Variants in FILIP1 observed in about 807,000 individuals in gnomAD.
The protein encoded by FILIP1 is filamin-A-interacting protein 1.
FILIP1 carries 61 observed loss-of-function variants against 102.1 expected under a neutral mutation model. That is an observed-to-expected ratio of 0.60 (90% CI 0.49 to 0.74). The LOEUF (loss-of-function observed/expected upper bound fraction) is 0.74. Among genes scored for constraint, FILIP1 ranks in the 30% least tolerant of loss-of-function variants. FILIP1 has a pLI of 0.00. For synonymous variants in FILIP1, 491 were observed against 526.9 expected (o/e 0.93, Z 0.93); for missense variants, 1,314 against 1,441.2 (o/e 0.91, Z 1.43).
rs148284986 is a variant in FILIP1, at chr6:75,348,062, T to TACACACACACACACACAC, written c.629+5459_629+5476dup. ...AGACAGCACTCCTCCACATCAGTTA[T>TACACACACACACACACAC]ACACACACACACACACACACACACA... is the stretch of plus-strand genomic sequence containing the variant. On this transcript the variant is annotated intron_variant, in intron 4 of 5. Coordinates refer to ENST00000237172, the MANE Select transcript of FILIP1 (RefSeq NM_015687.5). Among the ~76,000 whole-genome samples, 326 of 147,358 alleles carry TACACACACACACACACAC rather than the reference T, an allele frequency of 2.2e-3. 4 individuals carry two copies. Among genetic ancestry groups the TACACACACACACACACAC allele is most frequent in the African/African-American group, 6.3e-3 (250 of 39,874 alleles).
At chr6:75,387,607 A>AT (rs1166327491) in intron 2 of FILIP1, among the ~76,000 whole-genome samples, 1 of 152,148 alleles carries the variant, frequency 6.6e-6, no homozygotes, top group African/African-American at 2.4e-5. Context: ...ATGGTATCTC[A>AT]TTGTGGTTTT....
chr6:75,374,784 C>A (rs1347230012), intron 2 of FILIP1, among the ~76,000 whole-genome samples: 1 of 152,132 alleles, frequency 6.6e-6, no homozygotes, highest in African/African-American at 2.4e-5. Context: ...AAATGTAATC[C>A]CCTCAACAGA....
chr6:75,431,041 C>T (rs1777805949), intron 1 of FILIP1, among the ~76,000 whole-genome samples: 1 of 152,168 alleles, frequency 6.6e-6, no homozygotes. Flanking sequence ...TATAATAAGA[C>T]TACACTCTGA....
intron 4 of FILIP1, among the ~76,000 whole-genome samples, chr6:75,325,769 G>T (rs1773827814): frequency 6.6e-6 from 1 of 152,114 alleles, no homozygotes; most frequent in Admixed American, 6.5e-5. Flanking sequence ...TGGTGAAAAG[G>T]GATCACATCA....
chr6:75,316,838 T>A (rs538525688), intron 4 of FILIP1, among the ~76,000 whole-genome samples: 9 of 152,210 alleles, frequency 5.9e-5, no homozygotes, highest in African/African-American at 2.2e-4. Context: ...TTATTGACCA[T>A]GTTCTCTTTT....
intron 2 of FILIP1, among the ~76,000 whole-genome samples, chr6:75,372,477 T>C (rs1186276658): frequency 6.6e-6 from 1 of 150,458 alleles, no homozygotes; most frequent in African/African-American, 2.4e-5. Context: ...TAGACATTTC[T>C]TCAAAGAAGA....
intron 1 of FILIP1, among the ~76,000 whole-genome samples, chr6:75,486,482 A>G (rs999645432): frequency 2.0e-5 from 3 of 152,086 alleles, no homozygotes; most frequent in Non-Finnish European, 4.4e-5. Flanking sequence ...TGAATCTTTT[A>G]ATACTATAGG....
intron 2 of FILIP1, among the ~76,000 whole-genome samples, chr6:75,404,371 G>T (rs1776763702): frequency 1.3e-5 from 2 of 152,148 alleles, no homozygotes; most frequent in African/African-American, 2.4e-5. Context: ...ATCTCTTCCT[G>T]CTGGGCACCG....
In FILIP1 at chr6:75,467,173, C is replaced by T. The variant is rs79669850; in HGVS notation, c.-7+26241G>A. The stretch of plus-strand genomic sequence containing the variant: ...TCTAAATCCAACAGAACATTTTACA[C>T]ACTTTACTACTTGCACAATAAAATT... On this transcript the variant is annotated intron_variant, in intron 1 of 5. Transcript: ENST00000237172. Among the ~76,000 whole-genome samples the T allele has an allele frequency of 8.9e-3, 1,352 of 152,318 alleles. 48 individuals carry two copies. In the East Asian group the frequency reaches 0.12, roughly 14 times the overall value.
At chr6:75,376,858 G>T (rs906376313) in intron 2 of FILIP1, among the ~76,000 whole-genome samples, 1 of 152,078 alleles carries the variant, frequency 6.6e-6, no homozygotes, top group Non-Finnish European at 1.5e-5. Context: ...CTTGTTGATG[G>T]GATTTAAAGA....
At chr6:75,292,208 C>T (rs1480905057) in exon 7 of FILIP1, 2 of 152,146 alleles carry the variant, frequency 1.3e-5, no homozygotes, top group Non-Finnish European at 2.9e-5. Context: ...AACACTTAGA[C>T]CTAAAAGAAT....
chr6:75,302,463 G>A (rs1772864749), intron 6 of FILIP1, among the ~76,000 whole-genome samples: 2 of 152,142 alleles, frequency 1.3e-5, no homozygotes, highest in South Asian at 4.1e-4. Context: ...GCAGTGGACA[G>A]GCCTTTAAAC....
At chr6:75,319,202 GT>G (rs1773553539) in intron 4 of FILIP1, 33 of 759,230 alleles carry the variant, frequency 4.3e-5, no homozygotes, top group Non-Finnish European at 7.5e-5. Flanking sequence ...TCCTTTTCTT[GT>G]TTTTCCTTCA....
intron 6 of FILIP1, among the ~76,000 whole-genome samples, chr6:75,298,508 A>G (rs910353564): frequency 6.6e-6 from 1 of 152,232 alleles, no homozygotes; most frequent in East Asian, 1.9e-4. Context: ...GAAACTTATT[A>G]AACAGATTTA....
exon 7 of FILIP1, chr6:75,295,833 A>T: frequency 2.2e-6 from 2 of 926,380 alleles, no homozygotes; most frequent in Non-Finnish European, 2.9e-6. Flanking sequence ...GGAGGACCTT[A>T]GTCATGATTG....
chr6:75,375,839 C>T lies in FILIP1; in HGVS notation c.277-12922G>A, dbSNP rs1045744775. 4.6e-5 allele frequency among the ~76,000 whole-genome samples: 7 copies of T among 152,310 alleles called. No homozygotes were observed. The East Asian group carries it at 1.2e-3, about 25-fold the overall frequency. ...GACATAAGTGAATTCTACACTTACA[C>T]ATTTGACCAAGTTAGCAAAACTACT... On this transcript the variant is annotated intron_variant, in intron 2 of 5. Transcript: ENST00000237172.
intron 1 of FILIP1, among the ~76,000 whole-genome samples, chr6:75,434,900 G>T (rs953143587): frequency 6.6e-6 from 1 of 152,166 alleles, no homozygotes; most frequent in Non-Finnish European, 1.5e-5. Context: ...AGCACGAAGG[G>T]CGTTGAATTT....
At chr6:75,375,800 T>C (rs1476194956) in intron 2 of FILIP1, among the ~76,000 whole-genome samples, 1 of 152,230 alleles carries the variant, frequency 6.6e-6, no homozygotes, top group Non-Finnish European at 1.5e-5. Flanking sequence ...TCTGATCTAT[T>C]CATTTTAGCC....
intron 2 of FILIP1, among the ~76,000 whole-genome samples, chr6:75,393,501 T>C (rs372857880): frequency 1.3e-5 from 2 of 152,126 alleles, no homozygotes; most frequent in Admixed American, 6.6e-5. Context: ...TGAGAAAGGA[T>C]TGGCCTTTCC....
Sources: allele counts gnomAD v4.1 joint callset (sites outside exome capture counted in the v4.1 genomes callset), GRCh38; gene constraint gnomAD v4.1.1; transcripts MANE v1.5; gene names NCBI Gene and HGNC (gene_info 2026-07-23, HGNC 2026-07-21).